CEPT1: variants seen among roughly 807,000 people sequenced by gnomAD.
CEPT1 encodes the protein choline/ethanolamine phosphotransferase 1.
CEPT1 carries 7 observed loss-of-function variants against 42.6 expected under a neutral mutation model. The observed-to-expected ratio is 0.16, with a 90% confidence interval of 0.09 to 0.31. The LOEUF is 0.31. Ranked by LOEUF, CEPT1 falls within the 10% of genes least tolerant of loss-of-function variation. CEPT1 has a pLI of 1.00. For missense variants in CEPT1, 306 were observed against 502.1 expected (o/e 0.61, Z 3.73); for synonymous variants, 171 against 171.9 (o/e 0.99, Z 0.04).
At chr1:111,142,053 G>A (rs115590442) in intron 1 of CEPT1, among the ~76,000 whole-genome samples, 2 of 151,848 alleles carry the variant, frequency 1.3e-5, no homozygotes, top group East Asian at 1.9e-4. Flanking sequence ...AGGAGTTAGA[G>A]ATTTTTTTTT....
intron 3 of CEPT1, chr1:111,159,746 G>A: frequency 2.7e-6 from 1 of 372,860 alleles, no homozygotes; most frequent in Non-Finnish European, 4.7e-6. Flanking sequence ...CCCAAATATT[G>A]TTTTGGCATC....
chr1:111,153,625 C>A (rs1306010158), intron 2 of CEPT1, among the ~76,000 whole-genome samples: 1 of 152,120 alleles, frequency 6.6e-6, no homozygotes, highest in Non-Finnish European at 1.5e-5. Flanking sequence ...AGTCTTTAAT[C>A]CATTTGAGTT....
In CEPT1 at chr1:111,154,187, G is replaced by GTATTTTATTT. The variant is rs201981261; in HGVS notation, c.340-5137_340-5128dup. ...ACTCCTTGGTTAAATTTATTCCCAA[G>GTATTTTATTT]TATTTTATTTTATTTTATTTTATTT... On this transcript the variant is annotated intron_variant, in intron 2 of 8. Transcript: ENST00000357172. Among the ~76,000 whole-genome samples, 1,228 of 131,130 alleles carry GTATTTTATTT rather than the reference G, an allele frequency of 9.4e-3. 14 individuals carry two copies. Among genetic ancestry groups the GTATTTTATTT allele is most frequent in the East Asian group, 0.039 (172 of 4,390 alleles). 86.0% of individuals were successfully genotyped at this position (131,130 alleles called of 152,430 possible). A position where few individuals can be genotyped will look rare whatever the true frequency, so the allele number is the denominator to read the frequency against.
chr1:111,156,918 T>C (rs1557928186), intron 2 of CEPT1, among the ~76,000 whole-genome samples: 1 of 152,186 alleles, frequency 6.6e-6, no homozygotes, highest in Non-Finnish European at 1.5e-5. Flanking sequence ...GTTGGTTAAT[T>C]GCTACATTGT....
Position 111,174,909 on chromosome 1 carries a change from A to G in CEPT1, c.660A>G (p.Ile220Met). The change falls in exon 5 of 9, where the codon ATA becomes ATG. Residue 220 changes from isoleucine (I) to methionine (M), a missense_variant. Around this residue, in one of 2 missense-constraint regions of CEPT1, gnomAD observed 253 missense variants for 447.3 expected, o/e 0.57. Transcript: ENST00000357172. ...ATGTGACTGAAGTGCAAATCTTCAT[A>G]ATAATCATGCATTTGCTGGCAGTGA... is the stretch of plus-strand genomic sequence containing the variant. The part of the protein sequence containing the change: ...IIDVTEVQIF[I>M]IIMHLLAVIG... 2 of 1,612,952 alleles carry G rather than the reference A, an allele frequency of 1.2e-6. No homozygotes were observed. Among genetic ancestry groups the G allele is most frequent in the Non-Finnish European group, 1.7e-6 (2 of 1,179,088 alleles).
At chr1:111,175,691 G>A (rs1656641827) in intron 5 of CEPT1, among the ~76,000 whole-genome samples, 1 of 152,180 alleles carries the variant, frequency 6.6e-6, no homozygotes, top group African/African-American at 2.4e-5. Flanking sequence ...CATTAAAGGA[G>A]TTAATATATT....
intron 2 of CEPT1, among the ~76,000 whole-genome samples, chr1:111,155,449 G>A (rs1655510496): frequency 6.6e-6 from 1 of 151,540 alleles, no homozygotes; most frequent in Admixed American, 6.6e-5. Context: ...TATCATTTGT[G>A]TGTGTGTGTG....
chr1:111,153,392 G>C (rs1655390603), intron 2 of CEPT1, among the ~76,000 whole-genome samples: 1 of 152,082 alleles, frequency 6.6e-6, no homozygotes, highest in African/African-American at 2.4e-5. Context: ...ATTTTTAGTT[G>C]AGATGGGGTT....
intron 5 of CEPT1, chr1:111,181,133 C>T (rs937505988): frequency 2.6e-5 from 4 of 152,118 alleles, no homozygotes; most frequent in Admixed American, 6.6e-5. Flanking sequence ...CGCTGTACTC[C>T]AGCCTGGGTG....
chr1:111,180,972 C>G (rs148962282), intron 5 of CEPT1: 1 of 152,022 alleles, frequency 6.6e-6, no homozygotes, highest in Non-Finnish European at 1.5e-5. Context: ...GAGACCAGCC[C>G]GGCCAACATG....
At chr1:111,142,218 T>A (rs1339414127) in intron 1 of CEPT1, among the ~76,000 whole-genome samples, 3 of 152,228 alleles carry the variant, frequency 2.0e-5, no homozygotes, top group African/African-American at 7.2e-5. Flanking sequence ...ATTATACTTT[T>A]TCTACCTTTG....
Position 111,184,281 on chromosome 1 carries a change from GTC to G in CEPT1, c.1226_1227del (p.Ser409TyrfsTer5). On this transcript the variant is annotated frameshift_variant, in exon 9 of 9. Coordinates refer to ENST00000357172, the MANE Select transcript of CEPT1 (RefSeq NM_006090.5). LOFTEE classifies it high-confidence loss of function. The stretch of plus-strand genomic sequence containing the variant: ...GCACATACATGTCTTCAGAATCAAG[GTC>G]TCTACAGCTCATTCTAATCATCATT... The part of the protein sequence containing the change: ...HLHIHVFRIK[V>X]STAHSNHH The G allele has an allele frequency of 6.2e-7, 1 of 1,612,830 alleles. No individual in the cohort carries two copies. Among genetic ancestry groups the G allele is most frequent in the Non-Finnish European group, 8.5e-7 (1 of 1,178,932 alleles).
intron 4 of CEPT1, chr1:111,167,533 A>G (rs1656199088): frequency 8.8e-6 from 8 of 911,458 alleles, no homozygotes; most frequent in Middle Eastern, 5.6e-4. Context: ...TATTTTGAAA[A>G]CAGAATAAAG....
At chr1:111,179,477 T>C (rs376413484) in intron 5 of CEPT1, 1 of 152,288 alleles carries the variant, frequency 6.6e-6, no homozygotes, top group East Asian at 1.9e-4. Flanking sequence ...TCCAAGATGA[T>C]GACAGAAAGA....
At position 111,162,795 on chromosome 1, in the gene CEPT1, A is replaced by C. The variant is rs1487022078; in HGVS notation, c.629+1499A>C. Among the ~76,000 whole-genome samples, 6 of 152,352 alleles carry C rather than the reference A, an allele frequency of 3.9e-5. No individual in the cohort carries two copies. The South Asian group carries it at 6.2e-4, about 16-fold the overall frequency. ...AATTTCTGTGTAATGGTGAGACAGA[A>C]GCCAGACTGTAGGGGATAAGAAGTG... On this transcript the variant is annotated intron_variant, in intron 4 of 8. Transcript: ENST00000357172.
chr1:111,143,617 CT>C (rs902311358), intron 1 of CEPT1: 61 of 149,936 alleles, frequency 4.1e-4, no homozygotes, highest in South Asian at 1.7e-3. Flanking sequence ...TAATTTCTTA[CT>C]TTTTTTTTTC....
chr1:111,169,195 C>G (rs1449789501), intron 4 of CEPT1, among the ~76,000 whole-genome samples: 1 of 152,184 alleles, frequency 6.6e-6, no homozygotes, highest in Non-Finnish European at 1.5e-5. Flanking sequence ...ATAGAGAGGG[C>G]CGACTGTACT....
intron 5 of CEPT1, chr1:111,179,195 G>T (rs1433007316): frequency 6.6e-6 from 1 of 152,148 alleles, no homozygotes; most frequent in Admixed American, 6.5e-5. Context: ...ATCTGGTAAA[G>T]ATACTGATAA....
At chr1:111,151,269 G>A (rs1291270520) in intron 2 of CEPT1, among the ~76,000 whole-genome samples, 1 of 152,096 alleles carries the variant, frequency 6.6e-6, no homozygotes, top group Non-Finnish European at 1.5e-5. Context: ...GACTACAGGC[G>A]CACGCCGCCA....
Sources: allele counts gnomAD v4.1 joint callset (sites outside exome capture counted in the v4.1 genomes callset), GRCh38; gene constraint gnomAD v4.1.1; regional missense constraint gnomAD v4.1.1; transcripts MANE v1.5; gene names NCBI Gene and HGNC (gene_info 2026-07-23, HGNC 2026-07-21).